Variants in OSBPL8 observed in about 807,000 individuals in gnomAD.
OSBPL8 encodes oxysterol-binding protein-related protein 8.
In OSBPL8, 59 loss-of-function variants were observed where a neutral mutation model predicts 125.5. The ratio of observed to expected loss-of-function variants is 0.47; its 90% CI spans 0.38 to 0.58. The LOEUF is 0.58. Ranked by LOEUF, OSBPL8 falls within the 20% of genes least tolerant of loss-of-function variation. The pLI, the probability that OSBPL8 is intolerant of heterozygous loss-of-function variation, is 0.00. For missense variants in OSBPL8, 758 were observed against 1,047.8 expected (o/e 0.72, Z 3.82); for synonymous variants, 330 against 338.9 (o/e 0.97, Z 0.29).
intron 2 of OSBPL8, among the ~76,000 whole-genome samples, chr12:76,465,883 G>GT (rs1480494787): frequency 2.6e-5 from 4 of 151,764 alleles, no homozygotes; most frequent in Non-Finnish European, 5.9e-5. Flanking sequence ...GTACACGCCT[G>GT]TAATCCCAGA....
intron 1 of OSBPL8, among the ~76,000 whole-genome samples, chr12:76,500,995 T>C (rs1051038611): frequency 2.6e-5 from 4 of 152,206 alleles, no homozygotes; most frequent in African/African-American, 9.7e-5. Flanking sequence ...CAGGTCCTAG[T>C]AGGCATCTGA....
At chr12:76,546,688 ATC>A (rs1486777788) in intron 1 of OSBPL8, among the ~76,000 whole-genome samples, 1 of 152,212 alleles carries the variant, frequency 6.6e-6, no homozygotes, top group African/African-American at 2.4e-5. Flanking sequence ...GACAACTGAT[ATC>A]TGAGAGGGAA....
At chr12:76,360,349 T>C (rs1392933996) in intron 21 of OSBPL8, among the ~76,000 whole-genome samples, 1 of 152,224 alleles carries the variant, frequency 6.6e-6, no homozygotes, top group Non-Finnish European at 1.5e-5. Flanking sequence ...CATATCCAGA[T>C]CATGCTGATG....
intron 4 of OSBPL8, among the ~76,000 whole-genome samples, chr12:76,427,392 T>C (rs1316795345): frequency 6.6e-6 from 1 of 152,008 alleles, no homozygotes; most frequent in South Asian, 2.1e-4. Flanking sequence ...TTATGTTACA[T>C]AAATGTAAAG....
At chr12:76,422,445 A>C in intron 4 of OSBPL8, 1 of 435,056 alleles carries the variant, frequency 2.3e-6, no homozygotes, top group Non-Finnish European at 4.6e-6. Flanking sequence ...TAAAATGTTA[A>C]AATGCCTGGT....
chr12:76,540,812 A>C (rs61022554), intron 1 of OSBPL8, among the ~76,000 whole-genome samples: 8,030 of 152,230 alleles, frequency 0.053, 548 homozygotes, highest in African/African-American at 0.16. Context: ...ATTGAGATTA[A>C]CCTTGAAATT....
intron 1 of OSBPL8, among the ~76,000 whole-genome samples, chr12:76,554,407 T>C (rs1015220140): frequency 1.3e-5 from 2 of 152,338 alleles, no homozygotes; most frequent in East Asian, 3.9e-4. Flanking sequence ...GTTAAAAGGA[T>C]AGGCTCCAAA....
At position 76,393,686 on chromosome 12, in the gene OSBPL8, G is replaced by A. The variant is rs543361015; in HGVS notation, c.758-934C>T. On this transcript the variant is annotated intron_variant, in intron 9 of 23. Coordinates refer to ENST00000261183, the MANE Select transcript of OSBPL8 (RefSeq NM_020841.5). ...AGATCGCATCACTGCACTCCAGCCT[G>A]GGCGACAGAGTGAGACTCCGTTTCA... Among the ~76,000 whole-genome samples, 19 of 135,676 alleles carry A rather than the reference G, an allele frequency of 1.4e-4. 1 individual carries two copies. The Admixed American group carries it at 1.4e-3, about 10-fold the overall frequency. The allele number at this position is 135,676 out of a possible 152,430, so 89.0% of individuals were successfully genotyped here.
chr12:76,472,490 T>C (rs1054641398), intron 2 of OSBPL8, among the ~76,000 whole-genome samples: 1 of 152,170 alleles, frequency 6.6e-6, no homozygotes, highest in Non-Finnish European at 1.5e-5. Flanking sequence ...GGGGGACCAC[T>C]ACCACCAAGA....
chr12:76,546,211 G>C (rs1950778953), intron 1 of OSBPL8, among the ~76,000 whole-genome samples: 1 of 152,106 alleles, frequency 6.6e-6, no homozygotes, highest in Non-Finnish European at 1.5e-5. Context: ...AATTTCTACT[G>C]TTTACTATTA....
At chr12:76,396,995 T>G (rs1953834804) in intron 8 of OSBPL8, among the ~76,000 whole-genome samples, 5 of 151,782 alleles carry the variant, frequency 3.3e-5, no homozygotes, top group Admixed American at 3.3e-4. Flanking sequence ...TTGTATTTTT[T>G]GCAGAGACAG....
intron 1 of OSBPL8, among the ~76,000 whole-genome samples, chr12:76,513,882 C>A (rs185702851): frequency 8.0e-5 from 12 of 150,626 alleles, no homozygotes; most frequent in Non-Finnish European, 1.2e-4. Flanking sequence ...GCTTTTTTAT[C>A]CAGTTTGTTG....
chr12:76,463,551 T>C (rs1364512205), intron 2 of OSBPL8, among the ~76,000 whole-genome samples: 2 of 152,198 alleles, frequency 1.3e-5, no homozygotes, highest in Non-Finnish European at 1.5e-5. Context: ...TTATATGACC[T>C]GAATGGCTTA....
chr12:76,355,710 G>T lies in OSBPL8; in HGVS notation c.*179C>A. ...ATAGCTCACTTTAATAATCAAATAG[G>T]ATAGCTCTTGTTTCAGTGTGAAGAT... On this transcript the variant is annotated 3_prime_UTR_variant, in exon 24 of 24. Coordinates refer to ENST00000261183, the MANE Select transcript of OSBPL8 (RefSeq NM_020841.5). 1.6e-6 allele frequency: 1 copy of T among 610,656 alleles called. No individual in the cohort carries two copies. Among genetic ancestry groups the T allele is most frequent in the Non-Finnish European group, 2.7e-6 (1 of 369,016 alleles). The allele number at this position is 610,656 out of a possible 1,614,324, so 37.8% of individuals were successfully genotyped here. A position where few individuals can be genotyped will look rare whatever the true frequency, so the allele number is the denominator to read the frequency against.
chr12:76,375,230 G>A (rs1271518902), intron 17 of OSBPL8, 43 bp downstream of exon 17: 5 of 1,293,954 alleles, frequency 3.9e-6, no homozygotes, highest in Non-Finnish European at 5.5e-6. Context: ...TTATTGTATG[G>A]CTCTCCTTTA....
intron 3 of OSBPL8, among the ~76,000 whole-genome samples, chr12:76,459,115 C>T (rs144726196): frequency 6.6e-6 from 1 of 152,260 alleles, no homozygotes; most frequent in East Asian, 1.9e-4. Flanking sequence ...TCTAACTTCT[C>T]GGATATTTGT....
chr12:76,375,050 A>C (rs1485266141), intron 17 of OSBPL8, among the ~76,000 whole-genome samples: 3 of 152,130 alleles, frequency 2.0e-5, no homozygotes, highest in African/African-American at 4.8e-5. Context: ...AAAACAAAAA[A>C]TGTCTTTTGT....
In OSBPL8 at chr12:76,405,392, G is replaced by C. The variant is rs148931239; in HGVS notation, c.289-2626C>G. Among the ~76,000 whole-genome samples the C allele has an allele frequency of 4.6e-5, 7 of 152,256 alleles. No homozygotes were observed. The East Asian group carries it at 1.4e-3, about 29-fold the overall frequency. Reference sequence around the variant, plus strand: ...GAGAATCACCCGAGCCTAGGAGTTTGAGGCTGCAGTGAGCAGTGATTGCAC... The same window carrying C: ...GAGAATCACCCGAGCCTAGGAGTTTCAGGCTGCAGTGAGCAGTGATTGCAC... On this transcript the variant is annotated intron_variant, in intron 5 of 23. Coordinates refer to ENST00000261183, the MANE Select transcript of OSBPL8 (RefSeq NM_020841.5).
intron 1 of OSBPL8, among the ~76,000 whole-genome samples, chr12:76,553,995 AC>A (rs1260489829): frequency 2.7e-5 from 4 of 150,344 alleles, no homozygotes; most frequent in African/African-American, 7.3e-5. Context: ...AAAAAAAAAA[AC>A]ACTAAAAAAA....
Sources: allele counts gnomAD v4.1 joint callset (sites outside exome capture counted in the v4.1 genomes callset), GRCh38; gene constraint gnomAD v4.1.1; transcripts MANE v1.5; gene names NCBI Gene and HGNC (gene_info 2026-07-23, HGNC 2026-07-21).